ANKRD31: variants seen among roughly 807,000 people sequenced by gnomAD.
ANKRD31 encodes ankyrin repeat domain-containing protein 31.
In ANKRD31, 147 loss-of-function variants were observed where a neutral mutation model predicts 186.0. The ratio of observed to expected loss-of-function variants is 0.79; its 90% confidence interval spans 0.69 to 0.91. The LOEUF (loss-of-function observed/expected upper bound fraction) is 0.91, where lower values mean the gene tolerates loss of function less well. ANKRD31 is among the 40% of genes least tolerant of loss of function. ANKRD31 has a pLI of 0.00. For synonymous variants in ANKRD31, 673 were observed against 736.4 expected (o/e 0.91, Z 1.39); for missense variants, 1,986 against 2,148.8 (o/e 0.92, Z 1.50).
At chr5:75,087,371 G>A (rs556320572) in intron 23 of ANKRD31, among the ~76,000 whole-genome samples, 4 of 152,228 alleles carry the variant, frequency 2.6e-5, no homozygotes, top group Admixed American at 2.6e-4. Flanking sequence ...GCCAGGCATG[G>A]TGGTGCATGC....
At chr5:75,180,543 C>G (rs997640063) in intron 10 of ANKRD31, among the ~76,000 whole-genome samples, 1 of 152,104 alleles carries the variant, frequency 6.6e-6, no homozygotes, top group African/African-American at 2.4e-5. Context: ...GAGATATAGA[C>G]AAATGGAACA....
intron 17 of ANKRD31, among the ~76,000 whole-genome samples, chr5:75,122,516 G>T (rs2150091763): frequency 6.6e-6 from 1 of 151,742 alleles, no homozygotes; most frequent in East Asian, 1.9e-4. Context: ...GATGAAGATA[G>T]ATGCAGAAAC....
chr5:75,208,461 T>TCC (rs1246497318), intron 4 of ANKRD31, among the ~76,000 whole-genome samples: 6 of 151,424 alleles, frequency 4.0e-5, no homozygotes, highest in Admixed American at 2.0e-4. Flanking sequence ...TTGAAGCACC[T>TCC]GAAGGGACTC....
chr5:75,114,712 A>G (rs925091956), intron 19 of ANKRD31, among the ~76,000 whole-genome samples: 16 of 152,314 alleles, frequency 1.1e-4, no homozygotes, highest in Middle Eastern at 3.4e-3. Flanking sequence ...GATGTGAAGG[A>G]CCTCTTCAAG....
chr5:75,175,174 A>C (rs1005554313), intron 10 of ANKRD31, among the ~76,000 whole-genome samples: 8 of 152,220 alleles, frequency 5.3e-5, no homozygotes, highest in Non-Finnish European at 1.2e-4. Context: ...GTGGGAATTG[A>C]ACAATGAGAA....
chr5:75,201,064 A>T (rs1208002808), intron 5 of ANKRD31, among the ~76,000 whole-genome samples: 2 of 152,206 alleles, frequency 1.3e-5, no homozygotes, highest in South Asian at 2.1e-4. Context: ...AAAGCAAGTA[A>T]TTATCTGCTG....
chr5:75,217,356 G>T (rs1757022604), intron 3 of ANKRD31, among the ~76,000 whole-genome samples: 1 of 152,136 alleles, frequency 6.6e-6, no homozygotes, highest in Admixed American at 6.5e-5. Flanking sequence ...GGGAGTCCAA[G>T]TCTCTTCTTA....
intron 17 of ANKRD31, among the ~76,000 whole-genome samples, chr5:75,128,615 T>G (rs1047972802): frequency 1.3e-5 from 2 of 151,530 alleles, no homozygotes; most frequent in East Asian, 3.9e-4. Flanking sequence ...GCCATTCTCC[T>G]GCCTCAGCCT....
intron 23 of ANKRD31, 54 bp from the exon 24 acceptor site, chr5:75,084,428 T>C: frequency 8.2e-7 from 1 of 1,225,390 alleles, no homozygotes; most frequent in Non-Finnish European, 1.2e-6. Flanking sequence ...AAGAAGGAAA[T>C]ACACCTATGT....
intron 10 of ANKRD31, among the ~76,000 whole-genome samples, chr5:75,188,075 C>T (rs927104534): frequency 1.3e-5 from 2 of 152,082 alleles, no homozygotes; most frequent in Non-Finnish European, 2.9e-5. Context: ...TTTCCATTTC[C>T]CTGGCCACTG....
At position 75,105,219 on chromosome 5, in the gene ANKRD31, C is replaced by A; in HGVS notation, c.4341-1G>T. On this transcript the variant is annotated splice_acceptor_variant, in intron 21 of 25. Transcript: ENST00000506364. LOFTEE classifies it high-confidence loss of function. ...ATGCTTAAATGACTCTATGGATACC[C>A]TATAGGAAGAAACAGAAAGAGAAAA... 4 of 1,475,500 alleles carry A rather than the reference C, an allele frequency of 2.7e-6. No individual in the cohort carries two copies. Among genetic ancestry groups the A allele is most frequent in the Non-Finnish European group, 3.6e-6 (4 of 1,122,900 alleles). 91.4% of individuals were successfully genotyped at this position (1,475,500 alleles called of 1,614,324 possible).
intron 10 of ANKRD31, among the ~76,000 whole-genome samples, chr5:75,174,686 T>C (rs1561503601): frequency 6.6e-6 from 1 of 152,142 alleles, no homozygotes; most frequent in Non-Finnish European, 1.5e-5. Context: ...AGAGATACCA[T>C]CTCATGCCAG....
At chr5:75,234,100 A>G (rs1287601942) in intron 1 of ANKRD31, among the ~76,000 whole-genome samples, 4 of 140,168 alleles carry the variant, frequency 2.9e-5, no homozygotes, top group Admixed American at 2.8e-4. Context: ...AAAACTATCA[A>G]TAATTTAGGG....
At chr5:75,194,775 A>G (rs1446797475) in intron 7 of ANKRD31, among the ~76,000 whole-genome samples, 1 of 152,122 alleles carries the variant, frequency 6.6e-6, no homozygotes, top group Non-Finnish European at 1.5e-5. Flanking sequence ...GGAAGGCATT[A>G]TATATAATAT....
At position 75,192,659 on chromosome 5, in the gene ANKRD31, T is replaced by C. The variant is rs752291063; in HGVS notation, c.1408+8A>G. 1 of 1,493,946 alleles carries C rather than the reference T, an allele frequency of 6.7e-7. No individual in the cohort carries two copies. Among genetic ancestry groups the C allele is most frequent in the African/African-American group, 1.4e-5 (1 of 71,626 alleles). 92.5% of individuals were successfully genotyped at this position (1,493,946 alleles called of 1,614,324 possible). On this transcript the variant is annotated splice_region_variant and intron_variant, in intron 9 of 25. Coordinates refer to ENST00000506364, the MANE Select transcript of ANKRD31 (RefSeq NM_001372053.1). Reference sequence around the variant, plus strand: ...AAGAAATAGAAAAATACTCAAAATATGCATCACCTTTTTTTCCTGAAAATT... The same window carrying C: ...AAGAAATAGAAAAATACTCAAAATACGCATCACCTTTTTTTCCTGAAAATT...
rs1580412243 is a variant in ANKRD31 at position 75,138,051 on chromosome 5, A to G, written c.3734-53T>C. On this transcript the variant is annotated intron_variant, in intron 16 of 25. Coordinates refer to ENST00000506364, the MANE Select transcript of ANKRD31 (RefSeq NM_001372053.1). ...CCCTGCTTCATGCGAATCAATACTC[A>G]TGTAATATCTGTATTACTAAGGTTT... The G allele has an allele frequency of 1.0e-5, 14 of 1,370,790 alleles. 2 individuals carry two copies. In the South Asian group the frequency reaches 2.8e-4, roughly 27 times the overall value. The allele number at this position is 1,370,790 out of a possible 1,614,324, so 84.9% of individuals were successfully genotyped here.
At chr5:75,075,972 A>T (rs1744605488) in intron 25 of ANKRD31, among the ~76,000 whole-genome samples, 1 of 152,172 alleles carries the variant, frequency 6.6e-6, no homozygotes, top group African/African-American at 2.4e-5. Context: ...TTTTGAACTC[A>T]GTCTTCCCGG....
chr5:75,155,739 A>C (rs1429360617), intron 11 of ANKRD31, among the ~76,000 whole-genome samples: 1 of 152,170 alleles, frequency 6.6e-6, no homozygotes, highest in Non-Finnish European at 1.5e-5. Context: ...CCTAAAAATT[A>C]AAAGCGTATA....
At position 75,083,558 on chromosome 5, in the gene ANKRD31, G is replaced by C. The variant is rs187952600; in HGVS notation, c.5575+714C>G. On this transcript the variant is annotated intron_variant, in intron 24 of 25. Coordinates refer to ENST00000506364, the MANE Select transcript of ANKRD31 (RefSeq NM_001372053.1). ...AGCCTGGCTAACATGGTGAAACCCC[G>C]TCTCCACTAAAACTACAAAAAATTA... 5.8e-4 allele frequency among the ~76,000 whole-genome samples: 88 copies of C among 152,092 alleles called. 1 individual carries two copies. Among genetic ancestry groups the C allele is most frequent in the African/African-American group, 2.0e-3 (84 of 41,504 alleles).
Sources: allele counts gnomAD v4.1 joint callset (sites outside exome capture counted in the v4.1 genomes callset), GRCh38; gene constraint gnomAD v4.1.1; transcripts MANE v1.5; gene names NCBI Gene and HGNC (gene_info 2026-07-23, HGNC 2026-07-21).